TRMT112: variants seen among roughly 807,000 people sequenced by gnomAD.
TRMT112 encodes the protein tRNA methyltransferase activator subunit 11-2, also known as multifunctional methyltransferase subunit TRM112-like protein.
Under a neutral mutation model 13.8 loss-of-function variants are expected in TRMT112, and 9 were observed. The observed-to-expected ratio is 0.65, with a 90% confidence interval of 0.39 to 1.14. The LOEUF is 1.14. Ranked by LOEUF, TRMT112 falls within the 50% of genes most tolerant of loss-of-function variation. The pLI is 0.01. For missense variants in TRMT112, 196 were observed against 165.5 expected (o/e 1.18, Z -1.01); for synonymous variants, 64 against 67.0 (o/e 0.96, Z 0.22).
At position 64,317,361 on chromosome 11, in the gene TRMT112, G is replaced by A; in HGVS notation, c.83C>T (p.Thr28Ile). ...SRGFPLRLQA[T>I]EVRICPVEFN... ...TTCCACAGGGCAGATACGGACCTCG[G>A]TGGCCTGCAGGGCGGAGGAGTTTAG... The change falls in exon 2 of 4, where the codon ACC becomes ATC. Residue 28 changes from threonine (T) to isoleucine (I), a missense_variant. Transcript: ENST00000544844. 1 of 1,614,180 alleles carries A rather than the reference G, an allele frequency of 6.2e-7. No individual in the cohort carries two copies. Among genetic ancestry groups the A allele is most frequent in the Non-Finnish European group, 8.5e-7 (1 of 1,180,022 alleles).
rs199895511 is a variant in TRMT112 at position 64,317,164 on chromosome 11, A to G, written c.181-17T>C. 2,928 of 1,613,580 alleles carry G rather than the reference A, an allele frequency of 1.8e-3. 5 individuals carry two copies. The highest frequency in any genetic ancestry group is 2.0e-3 in the Non-Finnish European group (2,393 of 1,179,512). On this transcript the variant is annotated splice_polypyrimidine_tract_variant and intron_variant, in intron 2 of 3. Coordinates refer to ENST00000544844, the MANE Select transcript of TRMT112 (RefSeq NM_016404.3). ...CAGACGCAACTGTGGGCAAGAGGCC[A>G]AAATTATCTCCGGGCATCCCGAACT...
intron 3 of TRMT112, 31 bp downstream of exon 3, chr11:64,317,027 C>T: frequency 6.2e-7 from 1 of 1,613,760 alleles, no homozygotes; most frequent in Admixed American, 1.7e-5. Context: ...AGGCAGGTGG[C>T]CCGGGAAGCA....
Position 64,316,973 on chromosome 11 carries a change from G to A in TRMT112, c.271-5C>T, listed in dbSNP as rs2135267103. On this transcript the variant is annotated splice_polypyrimidine_tract_variant and splice_region_variant and intron_variant, in intron 3 of 3. Coordinates refer to ENST00000544844, the MANE Select transcript of TRMT112 (RefSeq NM_016404.3). ...GGTGCCCTCTATCACTTCCACCTGC[G>A]GGCAGGGAGGGACAGAGCTGAGCAC... The A allele has an allele frequency of 1.2e-6, 2 of 1,612,516 alleles. No homozygotes were observed. Among genetic ancestry groups the A allele is most frequent in the South Asian group, 1.1e-5 (1 of 91,046 alleles).
upstream of TRMT112, chr11:64,318,414 A>G (rs750723219): frequency 6.3e-7 from 1 of 1,584,840 alleles, no homozygotes; most frequent in South Asian, 1.1e-5. Flanking sequence ...CGGGCCTGAC[A>G]TCCCCCACTA....
At chr11:64,318,066 C>G, upstream of TRMT112, 7 of 1,443,046 alleles carry the variant, frequency 4.9e-6, no homozygotes, top group South Asian at 8.8e-5. Context: ...GTCCCGGAAG[C>G]TCTGTTCTGC....
chr11:64,317,554 G>C lies in TRMT112; in HGVS notation c.-28C>G. ...CGCCGCACAAACTCTCGCCAGGCCGGAACCGGAAAAAGGTCGTCCTCCGCT... is the reference window on the plus strand; with the variant it reads ...CGCCGCACAAACTCTCGCCAGGCCGCAACCGGAAAAAGGTCGTCCTCCGCT... On this transcript the variant is annotated 5_prime_UTR_variant, in exon 1 of 4. Coordinates refer to ENST00000544844, the MANE Select transcript of TRMT112 (RefSeq NM_016404.3). 3 of 1,518,480 alleles carry C rather than the reference G, an allele frequency of 2.0e-6. No individual in the cohort carries two copies. The highest frequency in any genetic ancestry group is 2.7e-6 in the Non-Finnish European group (3 of 1,124,628). The allele number at this position is 1,518,480 out of a possible 1,614,324, so 94.1% of individuals were successfully genotyped here. A position where few individuals can be genotyped will look rare whatever the true frequency, so the allele number is the denominator to read the frequency against.
At chr11:64,318,078 G>T (rs1039103217), upstream of TRMT112, 3 of 1,451,326 alleles carry the variant, frequency 2.1e-6, no homozygotes, top group Non-Finnish European at 2.7e-6. Flanking sequence ...CTGTTCTGCG[G>T]GTGGCCGCTC....
Position 64,317,492 on chromosome 11 carries a change from T to A in TRMT112, c.35A>T (p.His12Leu). The change falls in exon 1 of 4, where the codon CAT becomes CTT. Residue 12 changes from histidine (H) to leucine (L), a missense_variant. Transcript: ENST00000544844. ...GCCACGGGACCCCACCCCCCGCACA[T>A]GCGAGCTCAGCAGATTGTGGGTAAG... is the stretch of plus-strand genomic sequence containing the variant. ...KLLTHNLLSS[H>L]VRGVGSRGFP... 2.5e-6 allele frequency: 4 copies of A among 1,604,352 alleles called. No individual in the cohort carries two copies. The highest frequency in any genetic ancestry group is 3.4e-6 in the Non-Finnish European group (4 of 1,174,412).
In TRMT112 at chr11:64,317,458, CA is replaced by C. The variant is rs1244208001; in HGVS notation, c.68del (p.Leu23ArgfsTer23). On this transcript the variant is annotated frameshift_variant, in exon 1 of 4. Transcript: ENST00000544844. LOFTEE classifies it high-confidence loss of function. The part of the protein sequence containing the change: ...VRGVGSRGFP[L>X]RLQATEVRIC... ...TGCCGCCGGCGGGTACCTGGAGGCGCAGGGGGAAGCCACGGGACCCCACCCC... is the reference window on the plus strand; with the variant it reads ...TGCCGCCGGCGGGTACCTGGAGGCGCGGGGGAAGCCACGGGACCCCACCCC... 1 of 1,610,690 alleles carries C rather than the reference CA, an allele frequency of 6.2e-7. No individual in the cohort carries two copies. Among genetic ancestry groups the C allele is most frequent in the South Asian group, 1.1e-5 (1 of 90,762 alleles).
At position 64,317,462 on chromosome 11, in the gene TRMT112, G is replaced by A. The variant is rs770924814; in HGVS notation, c.65C>T (p.Pro22Leu). The change falls in exon 1 of 4, where the codon CCC becomes CTC. Residue 22 changes from proline (P) to leucine (L), a missense_variant. Physicochemically the swap from Pro to Leu is moderately conservative, Grantham distance 98. Coordinates refer to ENST00000544844, the MANE Select transcript of TRMT112 (RefSeq NM_016404.3). ...GCCGGCGGGTACCTGGAGGCGCAGG[G>A]GGAAGCCACGGGACCCCACCCCCCG... is the stretch of plus-strand genomic sequence containing the variant. ...HVRGVGSRGF[P>L]LRLQATEVRI... The A allele has an allele frequency of 2.5e-6, 4 of 1,610,080 alleles. No homozygotes were observed. Among genetic ancestry groups the A allele is most frequent in the Admixed American group, 3.4e-5 (2 of 59,374 alleles).
upstream of TRMT112, chr11:64,317,749 C>T (rs1000039151): frequency 2.4e-5 from 18 of 751,200 alleles, no homozygotes; most frequent in Non-Finnish European, 3.7e-5. Context: ...TCCTACGGCG[C>T]ACGCCCAGCT....
chr11:64,318,420 C>T (rs146856761), upstream of TRMT112: 41 of 1,579,788 alleles, frequency 2.6e-5, no homozygotes, highest in Middle Eastern at 1.7e-4. Context: ...TGACATCCCC[C>T]ACTACCCCCA....
At position 64,317,505 on chromosome 11, in the gene TRMT112, G is replaced by A; in HGVS notation, c.22C>T (p.Leu8=). 2 of 1,595,268 alleles carry A rather than the reference G, an allele frequency of 1.3e-6. No individual in the cohort carries two copies. The highest frequency in any genetic ancestry group is 1.7e-6 in the Non-Finnish European group (2 of 1,168,212). The stretch of plus-strand genomic sequence containing the variant: ...ACCCCCCGCACATGCGAGCTCAGCA[G>A]ATTGTGGGTAAGCAGTTTCATGTCG... MKLLTHN[L]LSSHVRGVGS... Residue 8 remains leucine (L), a synonymous_variant, in exon 1 of 4, where the codon CTG becomes TTG. Transcript: ENST00000544844.
upstream of TRMT112, chr11:64,318,138 C>T (rs1016607893): frequency 1.1e-5 from 18 of 1,580,240 alleles, no homozygotes; most frequent in African/African-American, 4.1e-5. Flanking sequence ...AGGGTGTCGC[C>T]GCTGTGCCGC....
upstream of TRMT112, chr11:64,318,126 G>A: frequency 2.6e-6 from 4 of 1,551,552 alleles, no homozygotes; most frequent in Non-Finnish European, 2.6e-6. Flanking sequence ...CCCGCCTTCC[G>A]CAGGGTGTCG....
chr11:64,318,387 G>A (rs779282514), upstream of TRMT112: 3 of 1,603,956 alleles, frequency 1.9e-6, no homozygotes, highest in African/African-American at 1.3e-5. Context: ...CCCAATCAAG[G>A]TGACCGCTGG....
chr11:64,318,346 G>T (rs140015234), upstream of TRMT112: 26 of 1,611,262 alleles, frequency 1.6e-5, no homozygotes, highest in African/African-American at 3.1e-4. Flanking sequence ...GGCGGGGTCC[G>T]CAGTTTCAGC....
In TRMT112 at chr11:64,317,515, A is replaced by T; in HGVS notation, c.12T>A (p.Leu4=). 1 of 1,580,980 alleles carries T rather than the reference A, an allele frequency of 6.3e-7. No homozygotes were observed. Among genetic ancestry groups the T allele is most frequent in the Non-Finnish European group, 8.6e-7 (1 of 1,159,080 alleles). Residue 4 remains leucine, a synonymous_variant, in exon 1 of 4, where the codon CTT becomes CTA. Transcript: ENST00000544844. The stretch of plus-strand genomic sequence containing the variant: ...CATGCGAGCTCAGCAGATTGTGGGT[A>T]AGCAGTTTCATGTCGCCGCACAAAC... MKL[L]THNLLSSHVR...
chr11:64,317,092 T>A lies in TRMT112; in HGVS notation c.236A>T (p.Glu79Val), dbSNP rs757059426. Residue 79 changes from glutamate (E) to valine (V), a missense_variant, in exon 3 of 4, where the codon GAG (glutamate) becomes GTG (valine). Transcript: ENST00000544844. ...GPVEGYEENE[E>V]FLRTMHHLLL... ...CAGGTGGTGCATGGTCCTCAGAAACTCCTCATTCTCCTCATATCCCTCAAC... is the reference window on the plus strand; with the variant it reads ...CAGGTGGTGCATGGTCCTCAGAAACACCTCATTCTCCTCATATCCCTCAAC... 6.2e-6 allele frequency: 10 copies of A among 1,613,894 alleles called. No homozygotes were observed. Among genetic ancestry groups the A allele is most frequent in the Non-Finnish European group, 8.5e-6 (10 of 1,179,994 alleles).
Sources: allele counts gnomAD v4.1 joint callset, GRCh38; gene constraint gnomAD v4.1.1; transcripts MANE v1.5; gene names NCBI Gene and HGNC (gene_info 2026-07-23, HGNC 2026-07-21).